The following DAB1 variants were observed in gnomAD, a reference collection of about 807,000 sequenced individuals.
The protein encoded by DAB1 is disabled homolog 1.
In DAB1, 15 loss-of-function variants were observed where a neutral mutation model predicts 64.6. The ratio of observed to expected loss-of-function variants is 0.23; its 90% CI spans 0.16 to 0.36. The LOEUF (loss-of-function observed/expected upper bound fraction) is 0.36. DAB1 is among the 10% of genes least tolerant of loss of function. DAB1 has a pLI of 1.00. For synonymous variants in DAB1, 235 were observed against 251.9 expected (o/e 0.93, Z 0.64); for missense variants, 596 against 706.7 (o/e 0.84, Z 1.78).
rs141472119 is a variant in DAB1, at chr1:57,966,196, T to C, written n.388-82034A>G. Among the ~76,000 whole-genome samples the C allele has an allele frequency of 2.6e-3, 393 of 152,294 alleles. 5 individuals carry two copies. The highest frequency in any genetic ancestry group is 9.0e-3 in the African/African-American group (376 of 41,564). ...TTAATATCGGTCTGTCTTGATCAGA[T>C]AGCTTAAGGAGGTTGCGATAAATTA... is the stretch of plus-strand genomic sequence containing the variant. On this transcript the variant is annotated intron_variant and non_coding_transcript_variant, in intron 5 of 20. Coordinates refer to the DAB1 transcript ENST00000485760.
downstream of DAB1, among the ~76,000 whole-genome samples, chr1:57,825,425 A>AC (rs1652301598): frequency 6.6e-6 from 1 of 152,230 alleles, no homozygotes; most frequent in South Asian, 2.1e-4. Context: ...AGGAAGGCAC[A>AC]CAGGGCTATA....
chr1:58,327,376 C>T (rs1266218856), intron 4 of DAB1, among the ~76,000 whole-genome samples: 2 of 152,140 alleles, frequency 1.3e-5, no homozygotes, highest in East Asian at 3.9e-4. Context: ...TGTTATAGAA[C>T]TGTCAGGCCC....
chr1:57,460,887 G>C (rs1429660802), intron 7 of DAB1, among the ~76,000 whole-genome samples: 1 of 152,148 alleles, frequency 6.6e-6, no homozygotes, highest in East Asian at 1.9e-4. Flanking sequence ...TACCTTATCT[G>C]ATTTTTTTAA....
intron 4 of DAB1, among the ~76,000 whole-genome samples, chr1:58,312,494 C>T (rs1486526809): frequency 1.3e-5 from 2 of 152,132 alleles, no homozygotes; most frequent in African/African-American, 4.8e-5. Context: ...AACGGCCTTC[C>T]CTTTCACTGG....
intron 2 of DAB1, among the ~76,000 whole-genome samples, chr1:57,220,029 G>T (rs1055911791): frequency 6.6e-6 from 1 of 152,170 alleles, no homozygotes; most frequent in African/African-American, 2.4e-5. Flanking sequence ...CTTGAGGGAA[G>T]ATCTCACAAG....
At chr1:58,275,256 G>A (rs1008302733) in intron 4 of DAB1, among the ~76,000 whole-genome samples, 5 of 152,250 alleles carry the variant, frequency 3.3e-5, no homozygotes, top group East Asian at 1.9e-4. Flanking sequence ...GAAGAGCTTC[G>A]TGACATTAAT....
chr1:58,389,956 G>T (rs1644462954), intron 3 of DAB1, among the ~76,000 whole-genome samples: 1 of 152,028 alleles, frequency 6.6e-6, no homozygotes, highest in Non-Finnish European at 1.5e-5. Flanking sequence ...CACTTGGGAG[G>T]ATGGGGGGCA....
chr1:58,167,819 T>C (rs1343564453), intron 4 of DAB1, among the ~76,000 whole-genome samples: 1 of 151,992 alleles, frequency 6.6e-6, no homozygotes, highest in Admixed American at 6.6e-5. Context: ...ACTCCTGAAG[T>C]CAACAAGACC....
At chr1:57,279,242 A>G (rs1671706293) in intron 2 of DAB1, among the ~76,000 whole-genome samples, 1 of 152,250 alleles carries the variant, frequency 6.6e-6, no homozygotes, top group African/African-American at 2.4e-5. Flanking sequence ...AGTTCTTTAT[A>G]TAAAATGGCA....
intron 1 of DAB1, among the ~76,000 whole-genome samples, chr1:57,366,292 C>T (rs1679988918): frequency 6.6e-6 from 1 of 152,204 alleles, no homozygotes; most frequent in Admixed American, 6.5e-5. Context: ...AATATGCTTC[C>T]TTCCATTTTT....
intron 2 of DAB1, among the ~76,000 whole-genome samples, chr1:57,166,775 C>T (rs755265714): frequency 2.0e-5 from 3 of 152,188 alleles, no homozygotes; most frequent in Non-Finnish European, 2.9e-5. Context: ...ACAGTAGTGA[C>T]TATGCCACAT....
At chr1:57,068,690 A>G (rs1651162486) in intron 8 of DAB1, among the ~76,000 whole-genome samples, 1 of 152,222 alleles carries the variant, frequency 6.6e-6, no homozygotes, top group African/African-American at 2.4e-5. Context: ...TTGGTGGAAG[A>G]CCATGGCAGA....
chr1:57,158,055 A>G lies in DAB1; in HGVS notation c.68-12626T>C, dbSNP rs74959955. On this transcript the variant is annotated intron_variant, in intron 2 of 14. Transcript: ENST00000371236. Reference sequence around the variant, plus strand: ...GCTACTTCCTGTGTATAAGCAAGTTAAAGTTTCTGAGTGTTAGGCTCTTCA... The same window carrying G: ...GCTACTTCCTGTGTATAAGCAAGTTGAAGTTTCTGAGTGTTAGGCTCTTCA... 6.6e-3 allele frequency among the ~76,000 whole-genome samples: 1,000 copies of G among 152,260 alleles called. 13 individuals carry two copies. Among genetic ancestry groups the G allele is most frequent in the African/African-American group, 0.023 (947 of 41,550 alleles).
chr1:57,581,139 T>C (rs1374666431), intron 7 of DAB1, among the ~76,000 whole-genome samples: 5 of 152,200 alleles, frequency 3.3e-5, no homozygotes, highest in Non-Finnish European at 7.3e-5. Flanking sequence ...TTGTCAAACA[T>C]CCAGGCATAT....
At chr1:57,734,583 T>G (rs944907484) in intron 6 of DAB1, among the ~76,000 whole-genome samples, 28 of 152,192 alleles carry the variant, frequency 1.8e-4, no homozygotes, top group African/African-American at 5.8e-4. Context: ...CATAATACCT[T>G]TTTTACCTTT....
intron 6 of DAB1, among the ~76,000 whole-genome samples, chr1:57,798,918 T>C (rs1170256276): frequency 6.6e-6 from 1 of 152,182 alleles, no homozygotes; most frequent in African/African-American, 2.4e-5. Context: ...TAATGGAAAG[T>C]TTATTTTTGT....
chr1:57,193,512 G>A (rs934253611), intron 2 of DAB1, among the ~76,000 whole-genome samples: 6 of 145,826 alleles, frequency 4.1e-5, no homozygotes, highest in Non-Finnish European at 6.0e-5. Flanking sequence ...TCAGCCTCCC[G>A]AGTAGCTGGG....
intron 1 of DAB1, among the ~76,000 whole-genome samples, chr1:57,375,341 G>C (rs1680810362): frequency 6.6e-6 from 1 of 152,174 alleles, no homozygotes; most frequent in Non-Finnish European, 1.5e-5. Flanking sequence ...AGGGGCAGAA[G>C]CTGAGGTGAA....
At chr1:57,807,941 A>G (rs192902914) in intron 6 of DAB1, among the ~76,000 whole-genome samples, 239 of 152,260 alleles carry the variant, frequency 1.6e-3, no homozygotes, top group Non-Finnish European at 2.7e-3. Context: ...GCTTTATCGT[A>G]AAAATGCAGT....
Sources: allele counts gnomAD v4.1 joint callset (sites outside exome capture counted in the v4.1 genomes callset), GRCh38; gene constraint gnomAD v4.1.1; transcripts MANE v1.5; gene names NCBI Gene and HGNC (gene_info 2026-07-23, HGNC 2026-07-21).